Variants in MGLL observed in about 807,000 individuals in gnomAD.
The protein encoded by MGLL is monoglyceride lipase, also known as lysophospholipase homolog.
Under a neutral mutation model 29.1 loss-of-function variants are expected in MGLL, and 7 were observed. That is an observed-to-expected ratio of 0.24 (90% CI 0.14 to 0.45). The LOEUF is 0.45. Ranked by LOEUF, MGLL falls within the 20% of genes least tolerant of loss-of-function variation. MGLL has a pLI of 0.99. For synonymous variants in MGLL, 148 were observed against 168.3 expected (o/e 0.88, Z 0.93); for missense variants, 356 against 413.6 (o/e 0.86, Z 1.21).
At chr3:127,705,979 C>T (rs762586063) in intron 6 of MGLL, among the ~76,000 whole-genome samples, 3 of 152,068 alleles carry the variant, frequency 2.0e-5, no homozygotes, top group Non-Finnish European at 4.4e-5. Context: ...ACACTGGAAC[C>T]CTTGAGCACT....
At chr3:127,729,269 T>C (rs1379395000) in intron 3 of MGLL, among the ~76,000 whole-genome samples, 1 of 152,252 alleles carries the variant, frequency 6.6e-6, no homozygotes, top group Admixed American at 6.5e-5. Flanking sequence ...CTGTGACTTA[T>C]ATTTCTTTTG....
chr3:127,780,420 A>G lies in MGLL; in HGVS notation c.262+1369T>C, dbSNP rs575713229. Among the ~76,000 whole-genome samples, 16 of 152,372 alleles carry G rather than the reference A, an allele frequency of 1.1e-4. No individual in the cohort carries two copies. The East Asian group carries it at 3.1e-3, about 29-fold the overall frequency. ...AAAAATTCCTATCTGAGGCTTTTAC[A>G]TGTAAGAAGTGCCAAAGTTAATAAT... On this transcript the variant is annotated intron_variant, in intron 3 of 7. Coordinates refer to ENST00000265052, the MANE Select transcript of MGLL (RefSeq NM_007283.7).
chr3:127,780,957 T>C (rs938171229), intron 3 of MGLL, among the ~76,000 whole-genome samples: 7 of 152,198 alleles, frequency 4.6e-5, no homozygotes, highest in Non-Finnish European at 2.9e-5. Context: ...TTCCTAGCCA[T>C]AGAGAATGTT....
intron 3 of MGLL, among the ~76,000 whole-genome samples, chr3:127,755,250 G>T (rs968131322): frequency 6.6e-6 from 1 of 152,196 alleles, no homozygotes; most frequent in Non-Finnish European, 1.5e-5. Flanking sequence ...AACCAAAGAT[G>T]AAACTGTTCA....
At chr3:127,695,250 C>A in intron 6 of MGLL, 60 bp from the exon 7 acceptor site, 2 of 1,521,998 alleles carry the variant, frequency 1.3e-6, no homozygotes, top group East Asian at 2.3e-5. Flanking sequence ...ATAAGCCAGG[C>A]CTATTTCCTG....
chr3:127,779,665 T>A (rs1173631615), intron 3 of MGLL, among the ~76,000 whole-genome samples: 1 of 152,302 alleles, frequency 6.6e-6, no homozygotes, highest in Non-Finnish European at 1.5e-5. Context: ...TATAATGCAT[T>A]GAGCAACGAG....
At chr3:127,792,741 T>C (rs1380758913) in intron 2 of MGLL, among the ~76,000 whole-genome samples, 1 of 152,132 alleles carries the variant, frequency 6.6e-6, no homozygotes, top group Admixed American at 6.5e-5. Context: ...AGAAGTGCTT[T>C]GAAGATGAAA....
chr3:127,805,200 T>G (rs960382325), intron 2 of MGLL, among the ~76,000 whole-genome samples: 2 of 152,212 alleles, frequency 1.3e-5, no homozygotes, highest in African/African-American at 4.8e-5. Context: ...GAGAACAGCT[T>G]GAACTTTCCA....
chr3:127,809,327 A>T (rs1459060068), intron 2 of MGLL, among the ~76,000 whole-genome samples: 1 of 152,180 alleles, frequency 6.6e-6, no homozygotes, highest in East Asian at 1.9e-4. Context: ...GCCATGTCTG[A>T]TTAAGACCAA....
chr3:127,742,218 G>GA (rs763101930), intron 3 of MGLL, among the ~76,000 whole-genome samples: 5 of 152,002 alleles, frequency 3.3e-5, no homozygotes, highest in Non-Finnish European at 5.9e-5. Context: ...GTTACCATTT[G>GA]AAAAAAATGT....
intron 2 of MGLL, among the ~76,000 whole-genome samples, chr3:127,814,545 C>G (rs2077720552): frequency 6.6e-6 from 1 of 152,180 alleles, no homozygotes; most frequent in South Asian, 2.1e-4. Flanking sequence ...AAGATCTAAA[C>G]CTAAAAGGTG....
At chr3:127,733,127 T>C (rs1046711428) in intron 3 of MGLL, among the ~76,000 whole-genome samples, 1 of 152,102 alleles carries the variant, frequency 6.6e-6, no homozygotes, top group Non-Finnish European at 1.5e-5. Flanking sequence ...ATAAAACCGG[T>C]TGCAGTAAAG....
At chr3:127,792,688 C>T (rs1466740444) in intron 2 of MGLL, among the ~76,000 whole-genome samples, 2 of 151,046 alleles carry the variant, frequency 1.3e-5, no homozygotes, top group African/African-American at 2.4e-5. Context: ...AGTGACAGAG[C>T]GAGACTCTGT....
At chr3:127,798,462 C>A (rs1432116182) in intron 2 of MGLL, among the ~76,000 whole-genome samples, 1 of 152,180 alleles carries the variant, frequency 6.6e-6, no homozygotes, top group African/African-American at 2.4e-5. Context: ...CCTGCCTGTC[C>A]TCTTGTGGAG....
At chr3:127,754,222 G>A (rs1029925729) in intron 3 of MGLL, among the ~76,000 whole-genome samples, 6 of 152,178 alleles carry the variant, frequency 3.9e-5, no homozygotes, top group Non-Finnish European at 2.9e-5. Context: ...GCCAGGCACT[G>A]CCGCCCACTC....
At chr3:127,746,280 G>A (rs915121026) in intron 3 of MGLL, among the ~76,000 whole-genome samples, 16 of 152,126 alleles carry the variant, frequency 1.1e-4, no homozygotes, top group African/African-American at 2.7e-4. Context: ...TCTGCACAGC[G>A]TCCTTCCTAC....
Position 127,781,801 on chromosome 3 carries a change from C to T in MGLL, c.250G>A (p.Ala84Thr), listed in dbSNP as rs375426665. 24 of 1,614,070 alleles carry T rather than the reference C, an allele frequency of 1.5e-5. No homozygotes were observed. The highest frequency in any genetic ancestry group is 1.2e-4 in the African/African-American group (9 of 75,022). ...CTGGGACACTCACCATGGTCGTGGGCGAACACCAGCAGGTCCAGCCCCATC... is the reference window on the plus strand; with the variant it reads ...CTGGGACACTCACCATGGTCGTGGGTGAACACCAGCAGGTCCAGCCCCATC... ...MLMGLDLLVF[A>T]HDHVGHGQSE... is the part of the protein sequence containing the mutation. The change falls in exon 3 of 8, where the codon GCC becomes ACC. Residue 84 changes from alanine (A) to threonine (T), a missense_variant. By Grantham distance (58) the Ala-to-Thr change is moderately conservative (BLOSUM62 0). Coordinates refer to ENST00000265052, the MANE Select transcript of MGLL (RefSeq NM_007283.7).
intron 3 of MGLL, among the ~76,000 whole-genome samples, chr3:127,776,304 C>T (rs1278252764): frequency 6.6e-6 from 1 of 152,012 alleles, no homozygotes; most frequent in African/African-American, 2.4e-5. Flanking sequence ...ATAAGAATCA[C>T]CTCGTGTATC....
chr3:127,787,873 T>TGA (rs2077240271), intron 2 of MGLL, among the ~76,000 whole-genome samples: 1 of 152,248 alleles, frequency 6.6e-6, no homozygotes, highest in Non-Finnish European at 1.5e-5. Context: ...TGTGGGCTTG[T>TGA]GAGAGTGCGT....
Sources: allele counts gnomAD v4.1 joint callset (sites outside exome capture counted in the v4.1 genomes callset), GRCh38; gene constraint gnomAD v4.1.1; transcripts MANE v1.5; gene names NCBI Gene and HGNC (gene_info 2026-07-23, HGNC 2026-07-21).